Variants in HCN2 observed in about 807,000 individuals in gnomAD.
HCN2 encodes potassium/sodium hyperpolarization-activated cyclic nucleotide-gated channel 2.
Under a neutral mutation model 52.3 loss-of-function variants are expected in HCN2, and 20 were observed. The observed-to-expected ratio is 0.38, with a 90% CI of 0.27 to 0.56. The LOEUF is 0.56. Among genes scored for constraint, HCN2 ranks in the 20% least tolerant of loss-of-function variants. HCN2 has a pLI of 0.71. For synonymous variants in HCN2, 694 were observed against 537.0 expected, an observed-to-expected ratio of 1.29 and a Z score of -4.04; for missense variants, 981 against 1,207.7, an observed-to-expected ratio of 0.81 and a Z score of 2.78.
rs760412186 is a variant in HCN2 at position 607,999 on chromosome 19, C to A, written c.1254C>A (p.Leu418=). ...HSWSELYSFA[L]FKAMSHMLCI... ...GGAGTGAACTGTACTCCTTCGCACT[C>A]TTCAAGGCCATGAGCCACATGCTGT... The change falls in exon 4 of 8, where the codon CTC becomes CTA. Residue 418 remains leucine (L), a synonymous_variant. Transcript: ENST00000251287. The A allele has an allele frequency of 2.5e-6, 4 of 1,612,732 alleles. No individual in the cohort carries two copies. In the Admixed American group the frequency reaches 6.7e-5, roughly 27 times the overall value.
At chr19:601,677 G>T (rs1340690387) in intron 1 of HCN2, among the ~76,000 whole-genome samples, 1 of 152,126 alleles carries the variant, frequency 6.6e-6, no homozygotes, top group Non-Finnish European at 1.5e-5. Context: ...GTAATTTTAT[G>T]TCTTTTTAAG....
intron 5 of HCN2, among the ~76,000 whole-genome samples, chr19:611,330 A>C (rs1207623147): frequency 6.6e-6 from 1 of 152,202 alleles, no homozygotes; most frequent in Non-Finnish European, 1.5e-5. Flanking sequence ...CGCAGGCAGC[A>C]GAGAGCAGCT....
intron 5 of HCN2, among the ~76,000 whole-genome samples, chr19:611,760 T>C (rs915607689): frequency 2.0e-5 from 3 of 152,088 alleles, no homozygotes; most frequent in African/African-American, 7.2e-5. Flanking sequence ...CCTGGGGTGT[T>C]AGTCACCAGC....
rs182974766 is a variant in HCN2, at chr19:592,422, G to A, written c.632+1845G>A. Reference sequence around the variant, plus strand: ...GGCTTGGGGGGAAGGCCGGTGGTAGGAGTGAAGCCCTCTCATCCTTCCACC... The same window carrying A: ...GGCTTGGGGGGAAGGCCGGTGGTAGAAGTGAAGCCCTCTCATCCTTCCACC... On this transcript the variant is annotated intron_variant, in intron 1 of 7. Transcript: ENST00000251287. The surrounding 1 kb of genome is among the most constrained non-coding windows in gnomAD (Gnocchi z 4.8). 1.2e-3 allele frequency among the ~76,000 whole-genome samples: 176 copies of A among 152,240 alleles called. No homozygotes were observed. The highest frequency in any genetic ancestry group is 4.0e-3 in the African/African-American group (165 of 41,546).
chr19:597,380 G>C (rs544580751), intron 1 of HCN2, among the ~76,000 whole-genome samples: 1 of 152,252 alleles, frequency 6.6e-6, no homozygotes, highest in Non-Finnish European at 1.5e-5. Flanking sequence ...AATAAAGGGG[G>C]AGAATGTCTG....
At chr19:615,407 G>T (rs905568036) in intron 7 of HCN2, among the ~76,000 whole-genome samples, 5 of 152,094 alleles carry the variant, frequency 3.3e-5, no homozygotes, top group African/African-American at 1.2e-4. Context: ...CCAGCTACTC[G>T]GGAGGATGAG....
rs1362207541 is a variant in HCN2 at position 613,894 on chromosome 19, G to A, written c.1868G>A (p.Arg623Gln). ...CGGGGCCGCCGCACGGCGAGCGTGC[G>A]GGCTGACACCTACTGCCGCCTCTAT... is the stretch of plus-strand genomic sequence containing the variant. Reference protein sequence around the residue: ...LTRGRRTASVRADTYCRLYSL... With the variant: ...LTRGRRTASVQADTYCRLYSL... The change falls in exon 7 of 8, where the codon CGG becomes CAG. Residue 623 changes from arginine to glutamine, a missense_variant. Physicochemically the swap from Arg to Gln is conservative, Grantham distance 43. Around this residue, in one of 6 missense-constraint regions of HCN2, gnomAD observed 85 missense variants for 106.1 expected, o/e 0.80. Coordinates refer to ENST00000251287, the MANE Select transcript of HCN2 (RefSeq NM_001194.4). 19 of 1,598,730 alleles carry A rather than the reference G, an allele frequency of 1.2e-5. No homozygotes were observed. Among genetic ancestry groups the A allele is most frequent in the Admixed American group, 6.8e-5 (4 of 59,166 alleles).
intron 5 of HCN2, among the ~76,000 whole-genome samples, chr19:611,262 C>G (rs543183018): frequency 6.6e-6 from 1 of 152,238 alleles, no homozygotes; most frequent in Non-Finnish European, 1.5e-5. Context: ...CGTGCCCTGC[C>G]GTGTGCTTGA....
chr19:608,245 TGA>T (rs1001523312), intron 4 of HCN2, 63 bp downstream of exon 4: 4 of 1,468,990 alleles, frequency 2.7e-6, no homozygotes, highest in South Asian at 1.1e-5. Flanking sequence ...ATCTGGGGTC[TGA>T]GAGAGAGTCA....
intron 3 of HCN2, among the ~76,000 whole-genome samples, chr19:606,271 T>C (rs1021431949): frequency 3.9e-5 from 6 of 152,046 alleles, no homozygotes; most frequent in Non-Finnish European, 8.8e-5. Flanking sequence ...TGGATAATTT[T>C]CGTACTTTTA....
At chr19:607,881 G>C (rs1282762303) in intron 3 of HCN2, 83 bp from the exon 4 acceptor site, 2 of 1,010,792 alleles carry the variant, frequency 2.0e-6, no homozygotes, top group African/African-American at 3.2e-5. Context: ...GCTTGGCAGA[G>C]GGTGGGCGCT....
intron 1 of HCN2, among the ~76,000 whole-genome samples, chr19:598,588 G>A (rs1220704436): frequency 6.6e-6 from 1 of 151,726 alleles, no homozygotes; most frequent in African/African-American, 2.4e-5. Flanking sequence ...TTAGAAGCAT[G>A]AGCCCCTGCA....
rs182406955 is a variant in HCN2 at position 596,506 on chromosome 19, C to A, written c.632+5929C>A. ...GCCAAGCTGGACAAAGTGGCAGGAC[C>A]CCCGCGTTTCCGAGGAAGGGGCCCT... On this transcript the variant is annotated intron_variant, in intron 1 of 7. Transcript: ENST00000251287. Among the ~76,000 whole-genome samples, 228 of 152,366 alleles carry A rather than the reference C, an allele frequency of 1.5e-3. 1 individual carries two copies. The highest frequency in any genetic ancestry group is 5.2e-3 in the African/African-American group (216 of 41,580).
intron 4 of HCN2, among the ~76,000 whole-genome samples, chr19:608,488 G>A (rs565407490): frequency 1.3e-5 from 2 of 152,138 alleles, no homozygotes; most frequent in Admixed American, 6.5e-5. Flanking sequence ...GGGACCCTGG[G>A]GGTCTGTGGC....
intron 5 of HCN2, among the ~76,000 whole-genome samples, chr19:612,060 G>A (rs919965681): frequency 7.9e-5 from 12 of 151,972 alleles, no homozygotes; most frequent in East Asian, 1.9e-4. Flanking sequence ...CAGGAGAATC[G>A]CTTGAACCCA....
chr19:616,677 C>G lies in HCN2; in HGVS notation c.*203C>G, dbSNP rs1287694551. 3 of 241,236 alleles carry G rather than the reference C, an allele frequency of 1.2e-5. No individual in the cohort carries two copies. Among genetic ancestry groups the G allele is most frequent in the Non-Finnish European group, 1.6e-5 (2 of 127,572 alleles). 14.9% of individuals were successfully genotyped at this position (241,236 alleles called of 1,614,324 possible). A position where few individuals can be genotyped will look rare whatever the true frequency, so the allele number is the denominator to read the frequency against. On this transcript the variant is annotated 3_prime_UTR_variant, in exon 8 of 8. Coordinates refer to ENST00000251287, the MANE Select transcript of HCN2 (RefSeq NM_001194.4). The stretch of plus-strand genomic sequence containing the variant: ...GCCGTCCCCCCTCATCGCCCCGCGC[C>G]CACCCCCATCGCCCCTGCCCCCGGC...
chr19:612,396 GT>G (rs1255104616), intron 5 of HCN2, among the ~76,000 whole-genome samples: 9 of 33,484 alleles, frequency 2.7e-4, no homozygotes, highest in African/African-American at 7.0e-4. Context: ...TTCCACTGGT[GT>G]GTGTGTGTGT....
At chr19:606,779 G>A (rs1311757254) in intron 3 of HCN2, among the ~76,000 whole-genome samples, 1 of 150,462 alleles carries the variant, frequency 6.6e-6, no homozygotes, top group Non-Finnish European at 1.5e-5. Flanking sequence ...TTGAACCCGG[G>A]AGCAGAGGTT....
intron 1 of HCN2, among the ~76,000 whole-genome samples, chr19:600,529 T>C (rs2144511722): frequency 6.6e-6 from 1 of 152,176 alleles, no homozygotes; most frequent in East Asian, 1.9e-4. Context: ...GTATTTTTTG[T>C]AGAGCTGGGG....
Sources: gnomAD v4.1 joint callset for allele counts (sites outside exome capture counted in the v4.1 genomes callset) on GRCh38, gnomAD v4.1.1 for gene constraint, gnomAD v4.1.1 regional missense constraint, Gnocchi (gnomAD v3.1) non-coding constraint, MANE v1.5 for transcripts, NCBI Gene and HGNC (gene_info 2026-07-23, HGNC 2026-07-21) for gene names.